The following PACRG variants were observed in gnomAD, a reference collection of about 807,000 sequenced individuals.
The protein encoded by PACRG is parkin coregulated gene protein.
In PACRG, 29 loss-of-function variants were observed where a neutral mutation model predicts 29.7. The ratio of observed to expected loss-of-function variants is 0.98; its 90% CI spans 0.73 to 1.33. PACRG has a LOEUF of 1.33. PACRG is among the 40% of genes most tolerant of loss of function. PACRG has a pLI of 0.00. For synonymous variants in PACRG, 116 were observed against 118.7 expected (o/e 0.98, Z 0.15); for missense variants, 279 against 316.2 (o/e 0.88, Z 0.89).
intron 2 of PACRG, among the ~76,000 whole-genome samples, chr6:162,915,025 C>CT (rs1562728748): frequency 6.6e-6 from 1 of 151,816 alleles, no homozygotes; most frequent in South Asian, 2.1e-4. Flanking sequence ...TTATATTTAA[C>CT]TTTTTTTAAC....
At chr6:162,851,617 G>T (rs910141366) in intron 2 of PACRG, among the ~76,000 whole-genome samples, 2 of 151,992 alleles carry the variant, frequency 1.3e-5, no homozygotes, top group East Asian at 3.9e-4. Flanking sequence ...AAAAATACAT[G>T]AATTTGCTTT....
At chr6:162,861,336 A>C (rs775310601) in intron 2 of PACRG, among the ~76,000 whole-genome samples, 18 of 152,240 alleles carry the variant, frequency 1.2e-4, no homozygotes, top group Non-Finnish European at 2.5e-4. Flanking sequence ...AGAAAAAGTT[A>C]GTAAAGATTG....
At chr6:162,801,904 CAT>C (rs1330928698) in intron 1 of PACRG, among the ~76,000 whole-genome samples, 2 of 152,004 alleles carry the variant, frequency 1.3e-5, no homozygotes, top group African/African-American at 2.4e-5. Flanking sequence ...GAATAGCAAA[CAT>C]AATTTTCTAA....
At chr6:162,897,689 C>T (rs542648549) in intron 2 of PACRG, among the ~76,000 whole-genome samples, 4 of 152,188 alleles carry the variant, frequency 2.6e-5, no homozygotes, top group East Asian at 1.9e-4. Context: ...AGGGTCTTAC[C>T]TTCAACTATT....
chr6:163,147,550 A>G (rs12209874), intron 4 of PACRG, among the ~76,000 whole-genome samples: 18,339 of 152,128 alleles, frequency 0.12, 1,280 homozygotes, highest in Middle Eastern at 0.2. Context: ...TCTGACTATA[A>G]TATTTTCTCT....
chr6:163,182,133 C>G (rs1779704436), intron 4 of PACRG, among the ~76,000 whole-genome samples: 1 of 152,172 alleles, frequency 6.6e-6, no homozygotes, highest in South Asian at 2.1e-4. Flanking sequence ...AAGTGATAGA[C>G]TCTTCCAGGC....
chr6:163,102,127 A>G (rs1457374731), intron 4 of PACRG, among the ~76,000 whole-genome samples: 1 of 152,090 alleles, frequency 6.6e-6, no homozygotes, highest in Admixed American at 6.5e-5. Flanking sequence ...GGTTTTCACT[A>G]CCGTCGGGAA....
rs542050140 is a variant in PACRG at position 162,906,043 on chromosome 6, AG to A, written c.291+91769del. Among the ~76,000 whole-genome samples, 153 of 152,214 alleles carry A rather than the reference AG, an allele frequency of 1.0e-3. 1 individual carries two copies. The highest frequency in any genetic ancestry group is 6.8e-3 in the Middle Eastern group (2 of 294). On this transcript the variant is annotated intron_variant, in intron 2 of 4. Transcript: ENST00000366888. ...TGTTAAGATTTTGATACAGAAAAAAAGGGGGGGAAAGCTGAGGAAAAATTGA... is the reference window on the plus strand; with the variant it reads ...TGTTAAGATTTTGATACAGAAAAAAAGGGGGGAAAGCTGAGGAAAAATTGA...
chr6:162,936,142 A>G (rs1408409101), intron 2 of PACRG, among the ~76,000 whole-genome samples: 1 of 152,214 alleles, frequency 6.6e-6, no homozygotes, highest in Non-Finnish European at 1.5e-5. Flanking sequence ...TTCCCCTTAT[A>G]AAACCATCAG....
At chr6:163,194,988 G>A (rs745951418) in intron 4 of PACRG, among the ~76,000 whole-genome samples, 4 of 152,030 alleles carry the variant, frequency 2.6e-5, no homozygotes, top group African/African-American at 4.8e-5. Context: ...CGGTGTCCAC[G>A]GGCTTGCTGA....
At chr6:162,989,187 G>A (rs1010530078) in intron 2 of PACRG, among the ~76,000 whole-genome samples, 1 of 152,270 alleles carries the variant, frequency 6.6e-6, no homozygotes, top group Non-Finnish European at 1.5e-5. Flanking sequence ...AGGCAAAAAG[G>A]ACACTACAGC....
At chr6:163,202,873 C>T (rs1226287221) in intron 4 of PACRG, among the ~76,000 whole-genome samples, 1 of 152,124 alleles carries the variant, frequency 6.6e-6, no homozygotes, top group Non-Finnish European at 1.5e-5. Flanking sequence ...GCCAGGATCC[C>T]AAGTCAGACT....
intron 4 of PACRG, among the ~76,000 whole-genome samples, chr6:163,156,631 C>A (rs1778330549): frequency 6.6e-6 from 1 of 152,190 alleles, no homozygotes; most frequent in Non-Finnish European, 1.5e-5. Context: ...GAGTTGGGGG[C>A]CTAAAACAGC....
At chr6:163,197,391 A>T (rs1268655790) in intron 4 of PACRG, among the ~76,000 whole-genome samples, 2 of 148,726 alleles carry the variant, frequency 1.3e-5, no homozygotes, top group Admixed American at 1.3e-4. Context: ...AGTCCCATTA[A>T]CCTACTGTCC....
chr6:163,049,492 A>G (rs941535036), intron 2 of PACRG, among the ~76,000 whole-genome samples: 2 of 152,106 alleles, frequency 1.3e-5, no homozygotes, highest in Non-Finnish European at 2.9e-5. Flanking sequence ...AGCATCTATA[A>G]AACATTAACG....
intron 4 of PACRG, among the ~76,000 whole-genome samples, chr6:163,216,438 G>A (rs1055093740): frequency 6.6e-6 from 1 of 152,174 alleles, no homozygotes; most frequent in East Asian, 1.9e-4. Flanking sequence ...GAGAAAAGGG[G>A]AAGAAAAACG....
chr6:162,788,457 A>G (rs1784684369), intron 1 of PACRG, among the ~76,000 whole-genome samples: 1 of 152,216 alleles, frequency 6.6e-6, no homozygotes, highest in African/African-American at 2.4e-5. Flanking sequence ...GGAATTATGA[A>G]TGAAGATGTA....
intron 2 of PACRG, among the ~76,000 whole-genome samples, chr6:162,885,845 CA>C (rs1292060090): frequency 6.6e-6 from 1 of 152,140 alleles, no homozygotes; most frequent in Non-Finnish European, 1.5e-5. Context: ...AACTTGCAGA[CA>C]TTATGATCCT....
chr6:162,969,911 T>G (rs1801383568), intron 2 of PACRG, among the ~76,000 whole-genome samples: 1 of 152,214 alleles, frequency 6.6e-6, no homozygotes, highest in Non-Finnish European at 1.5e-5. Flanking sequence ...ATCTGCATGT[T>G]TGTTGCATGT....
Sources: allele counts gnomAD v4.1 joint callset (sites outside exome capture counted in the v4.1 genomes callset), GRCh38; gene constraint gnomAD v4.1.1; transcripts MANE v1.5; gene names NCBI Gene and HGNC (gene_info 2026-07-23, HGNC 2026-07-21).